Variants in UNC13C observed in about 807,000 individuals in gnomAD.
The protein encoded by UNC13C is protein unc-13 homolog C.
UNC13C carries 174 observed loss-of-function variants against 245.4 expected under a neutral mutation model. The observed-to-expected ratio is 0.71, with a 90% confidence interval of 0.63 to 0.80. The LOEUF (loss-of-function observed/expected upper bound fraction) is 0.80. UNC13C is among the 30% of genes least tolerant of loss of function. The probability of loss-of-function intolerance (pLI) is 0.00; values close to 1 mark genes in which losing one functional copy is unlikely to be tolerated. For missense variants in UNC13C, 2,829 were observed against 2,602.9 expected (o/e 1.09, Z -1.89); for synonymous variants, 992 against 895.1 (o/e 1.11, Z -1.93).
At chr15:54,301,314 G>A (rs8035356) in intron 13 of UNC13C, among the ~76,000 whole-genome samples, 54,738 of 146,200 alleles carry the variant, frequency 0.37, 11,109 homozygotes, top group African/African-American at 0.56. Flanking sequence ...TTGAATGTAA[G>A]TTCTGGGGTA....
At chr15:54,493,328 C>A (rs1227451244) in intron 19 of UNC13C, among the ~76,000 whole-genome samples, 1 of 152,028 alleles carries the variant, frequency 6.6e-6, no homozygotes, top group Admixed American at 6.5e-5. Flanking sequence ...TAGTTTATTA[C>A]TCTTGTTTCT....
At chr15:54,397,375 C>T (rs769769021) in intron 18 of UNC13C, among the ~76,000 whole-genome samples, 1 of 151,458 alleles carries the variant, frequency 6.6e-6, no homozygotes, top group Non-Finnish European at 1.5e-5. Context: ...GTAATCTGTT[C>T]CACTGATCTA....
chr15:54,455,313 A>G (rs922959324), intron 19 of UNC13C, among the ~76,000 whole-genome samples: 5 of 148,152 alleles, frequency 3.4e-5, no homozygotes, highest in Non-Finnish European at 7.4e-5. Flanking sequence ...TTGTGCTGCT[A>G]TAAGTATGCA....
intron 19 of UNC13C, among the ~76,000 whole-genome samples, chr15:54,471,430 G>T (rs143049561): frequency 1.1e-3 from 168 of 151,536 alleles, no homozygotes; most frequent in African/African-American, 4.0e-3. Flanking sequence ...TTGATGAATT[G>T]ACCCTTTATC....
At chr15:53,998,962 T>C (rs911319635) in intron 1 of UNC13C, among the ~76,000 whole-genome samples, 24 of 152,070 alleles carry the variant, frequency 1.6e-4, no homozygotes, top group Non-Finnish European at 4.4e-5. Flanking sequence ...TGCTTGATCG[T>C]GATCTATTAA....
intron 4 of UNC13C, among the ~76,000 whole-genome samples, chr15:54,198,985 A>G (rs2034442348): frequency 6.6e-6 from 1 of 152,046 alleles, no homozygotes; most frequent in Non-Finnish European, 1.5e-5. Context: ...AACAAAAAGC[A>G]TAAATAAAAA....
intron 18 of UNC13C, 84 bp downstream of exon 18, chr15:54,393,265 G>A (rs489526): frequency 0.69 from 779,745 of 1,129,668 alleles, 271,080 homozygotes; most frequent in East Asian, 0.79. Flanking sequence ...ATATACTGAC[G>A]ACAATAATAA....
intron 11 of UNC13C, among the ~76,000 whole-genome samples, chr15:54,295,741 C>A (rs1337774505): frequency 6.6e-6 from 1 of 151,824 alleles, no homozygotes; most frequent in Non-Finnish European, 1.5e-5. Context: ...GAATATGCTG[C>A]TATTAGTAAA....
At chr15:54,309,492 G>A (rs569011381) in intron 13 of UNC13C, among the ~76,000 whole-genome samples, 1 of 151,948 alleles carries the variant, frequency 6.6e-6, no homozygotes, top group South Asian at 2.1e-4. Context: ...TTACTGTGAA[G>A]AAGCTTTTTA....
chr15:54,013,828 A>G lies in UNC13C; in HGVS notation c.925A>G (p.Ile309Val). ...RRETRDIHDYIKHLGHMGSKA... is the reference protein window; with the variant it reads ...RRETRDIHDYVKHLGHMGSKA... ...GGAAACTAGAGACATCCATGATTAT[A>G]TTAAGCACTTAGGTCATATGGGTAG... Residue 309 changes from isoleucine (I) to valine (V), a missense_variant, in exon 2 of 33, where the codon ATT (isoleucine) becomes GTT (valine). Ile to Val is a conservative substitution (Grantham distance 29). Transcript: ENST00000260323. 2.5e-6 allele frequency: 4 copies of G among 1,612,816 alleles called. No homozygotes were observed. Among genetic ancestry groups the G allele is most frequent in the Non-Finnish European group, 3.4e-6 (4 of 1,179,490 alleles).
chr15:54,507,159 A>G lies in UNC13C; in HGVS notation c.5344A>G (p.Ser1782Gly). 6.3e-7 allele frequency: 1 copy of G among 1,598,982 alleles called. No individual in the cohort carries two copies. The part of the protein sequence containing the change: ...VLLQYAAIVS[S>G]DFSSHCDKEN... Reference sequence around the variant, plus strand: ...GCTCCAGTATGCTGCAATTGTATCAAGTGATTTCAGTTCACATTGTGATAA... The same window carrying G: ...GCTCCAGTATGCTGCAATTGTATCAGGTGATTTCAGTTCACATTGTGATAA... Residue 1782 changes from serine (S) to glycine (G), a missense_variant, in exon 23 of 33, where the codon AGT (serine) becomes GGT (glycine). Ser to Gly is a moderately conservative substitution (Grantham distance 56). Transcript: ENST00000260323.
the UNC13C span, among the ~76,000 whole-genome samples, chr15:53,930,920 G>A: frequency 6.6e-6 from 1 of 152,110 alleles, no homozygotes; most frequent in Non-Finnish European, 1.5e-5. Context: ...TGAAGTTATT[G>A]TCGACCTCTG....
At chr15:54,579,884 G>C (rs115506536) in intron 30 of UNC13C, among the ~76,000 whole-genome samples, 1 of 152,182 alleles carries the variant, frequency 6.6e-6, no homozygotes, top group Non-Finnish European at 1.5e-5. Context: ...ATTAAGTGCC[G>C]AGTTAATGAT....
intron 10 of UNC13C, among the ~76,000 whole-genome samples, chr15:54,278,288 C>A (rs984791093): frequency 2.0e-5 from 3 of 152,092 alleles, no homozygotes; most frequent in African/African-American, 7.2e-5. Flanking sequence ...TTCTTAACAG[C>A]CAGAAGTTTC....
chr15:54,529,251 C>T (rs1442162174), intron 25 of UNC13C, among the ~76,000 whole-genome samples: 1 of 152,052 alleles, frequency 6.6e-6, no homozygotes, highest in Admixed American at 6.6e-5. Flanking sequence ...TAAATATGTA[C>T]ACAAAATTAT....
the UNC13C span, among the ~76,000 whole-genome samples, chr15:53,956,875 AGTGTGT>A: frequency 6.4e-5 from 9 of 139,812 alleles, no homozygotes; most frequent in African/African-American, 2.3e-4. Context: ...GTTAAGCTCA[AGTGTGT>A]GTGTGTGTGT....
At chr15:54,322,212 TAGCGTAATGGGTTCC>T (rs2038181825) in intron 14 of UNC13C, 117 bp downstream of exon 14, 1 of 977,144 alleles carries the variant, frequency 1.0e-6, no homozygotes, top group Admixed American at 3.5e-5. Context: ...TTTTAGGGAA[TAGCGTAATGGGTTCC>T]AGCTCAAAGT....
intron 4 of UNC13C, among the ~76,000 whole-genome samples, chr15:54,144,927 C>A (rs1288189272): frequency 1.3e-5 from 2 of 151,468 alleles, no homozygotes; most frequent in African/African-American, 4.9e-5. Context: ...AGAGAGATAT[C>A]TATATAATTA....
chr15:54,028,611 C>T (rs1896218739), intron 2 of UNC13C, among the ~76,000 whole-genome samples: 1 of 152,006 alleles, frequency 6.6e-6, no homozygotes, highest in South Asian at 2.1e-4. Context: ...TTTCCCAGTG[C>T]CCGCCAGTGG....
Sources: gnomAD v4.1 joint callset for allele counts (sites outside exome capture counted in the v4.1 genomes callset) on GRCh38, gnomAD v4.1.1 for gene constraint, MANE v1.5 for transcripts, NCBI Gene and HGNC (gene_info 2026-07-23, HGNC 2026-07-21) for gene names.